The following CACNA1C variants were observed in gnomAD, a reference collection of about 807,000 sequenced individuals.
CACNA1C encodes calcium voltage-gated channel subunit alpha1 C.
Under a neutral mutation model 229.0 loss-of-function variants are expected in CACNA1C, and 30 were observed. That is an observed-to-expected ratio of 0.13 (90% CI 0.10 to 0.18). CACNA1C has a LOEUF of 0.18. Among genes scored for constraint, CACNA1C ranks in the 10% least tolerant of loss-of-function variants. CACNA1C has a pLI of 1.00. For synonymous variants in CACNA1C, 1,114 were observed against 1,132.5 expected, an observed-to-expected ratio of 0.98 and a Z score of 0.33; for missense variants, 1,658 against 2,845.0, an observed-to-expected ratio of 0.58 and a Z score of 9.49.
chr12:2,363,747 AT>A (rs1259543394), intron 3 of CACNA1C, among the ~76,000 whole-genome samples: 1 of 151,966 alleles, frequency 6.6e-6, no homozygotes, highest in Non-Finnish European at 1.5e-5. Flanking sequence ...TGGAGTCTTG[AT>A]TTCCTTGAGT....
At chr12:1,985,985 T>C (rs994489525) in intron 1 of CACNA1C, among the ~76,000 whole-genome samples, 3 of 152,084 alleles carry the variant, frequency 2.0e-5, no homozygotes, top group Non-Finnish European at 2.9e-5. Context: ...TAATTTTGTT[T>C]TGTATTTTTA....
chr12:2,093,761 C>T (rs1435306611), intron 1 of CACNA1C, among the ~76,000 whole-genome samples: 1 of 152,196 alleles, frequency 6.6e-6, no homozygotes, highest in East Asian at 1.9e-4. Flanking sequence ...TATTTGCTAC[C>T]CTGAGTGTGA....
intron 3 of CACNA1C, among the ~76,000 whole-genome samples, chr12:2,404,373 CT>C (rs2098712751): frequency 6.6e-6 from 1 of 152,166 alleles, no homozygotes; most frequent in East Asian, 1.9e-4. Flanking sequence ...CCACGTGTTC[CT>C]TTCTCAGGGT....
chr12:2,402,811 C>T (rs73037262), intron 3 of CACNA1C, among the ~76,000 whole-genome samples: 2,070 of 152,286 alleles, frequency 0.014, 20 homozygotes, highest in Non-Finnish European at 0.019. Context: ...GCTGTGCCAC[C>T]GCCACCACCA....
intron 5 of CACNA1C, among the ~76,000 whole-genome samples, chr12:2,474,852 T>C (rs765098911): frequency 1.3e-5 from 2 of 152,126 alleles, no homozygotes; most frequent in Admixed American, 6.5e-5. Context: ...AGATCAACTG[T>C]CCTGCCGAGG....
intron 1 of CACNA1C, among the ~76,000 whole-genome samples, chr12:2,002,955 T>G (rs1034226852): frequency 6.6e-6 from 1 of 152,118 alleles, no homozygotes; most frequent in Non-Finnish European, 1.5e-5. Context: ...CCCTGGAAAC[T>G]AGGGGGAAAT....
At position 2,009,878 on chromosome 12, in the gene CACNA1C, G is replaced by A. The variant is rs76818467; in HGVS notation, c.139+38677G>A. On this transcript the variant is annotated intron_variant, in intron 1 of 46. Transcript: ENST00000682462. Reference sequence around the variant, plus strand: ...CAACAAATGACCTCACCTATACCCTGGGGAACATAATATTTGCTCTACCAA... The same window carrying A: ...CAACAAATGACCTCACCTATACCCTAGGGAACATAATATTTGCTCTACCAA... Among the ~76,000 whole-genome samples, 331 of 152,198 alleles carry A rather than the reference G, an allele frequency of 2.2e-3. 1 individual carries two copies. The highest frequency in any genetic ancestry group is 7.3e-3 in the African/African-American group (303 of 41,508).
rs752225904 is a variant in CACNA1C at position 2,653,797 on chromosome 12, A to C, written c.4075-38A>C. 12 of 1,592,590 alleles carry C rather than the reference A, an allele frequency of 7.5e-6. No individual in the cohort carries two copies. The Admixed American group carries it at 1.8e-4, about 24-fold the overall frequency. On this transcript the variant is annotated intron_variant, in intron 32 of 46. Coordinates refer to ENST00000399655, the MANE Select transcript of CACNA1C (RefSeq NM_000719.7). This position sits in a 1 kb window ranked among gnomAD's most constrained non-coding sequence, Gnocchi z 4.7. ...GGGAAGGGGCCCAGCTGGCCTCTGCACTCCAGCCTCATGGGAGTCTCCTGC... is the reference window on the plus strand; with the variant it reads ...GGGAAGGGGCCCAGCTGGCCTCTGCCCTCCAGCCTCATGGGAGTCTCCTGC...
intron 30 of CACNA1C, among the ~76,000 whole-genome samples, chr12:2,638,737 T>C (rs923176063): frequency 1.3e-5 from 2 of 152,110 alleles, no homozygotes; most frequent in African/African-American, 4.8e-5. Context: ...AGGAGGAGAA[T>C]TGCCCAGGAG....
chr12:2,638,472 A>C (rs1432171580), intron 30 of CACNA1C, among the ~76,000 whole-genome samples: 1 of 152,178 alleles, frequency 6.6e-6, no homozygotes, highest in African/African-American at 2.4e-5. Context: ...TACTCTGAGC[A>C]AGAAGGGGAC....
intron 39 of CACNA1C, 87 bp downstream of exon 39, chr12:2,674,729 G>C: frequency 8.0e-7 from 1 of 1,253,280 alleles, no homozygotes; most frequent in Non-Finnish European, 1.1e-6. Context: ...GGCACCCTTA[G>C]AATGCGGAAG....
At chr12:2,596,104 A>G in intron 20 of CACNA1C, 101 bp downstream of exon 20, 2 of 1,206,380 alleles carry the variant, frequency 1.7e-6, no homozygotes, top group Non-Finnish European at 2.3e-6. Context: ...GCCCAATTCT[A>G]GGTGTCATAA....
chr12:1,997,896 T>C (rs761428026), intron 1 of CACNA1C: 2 of 1,521,508 alleles, frequency 1.3e-6, no homozygotes, highest in Admixed American at 3.7e-5. Flanking sequence ...AAATATTATT[T>C]TGAAGATTAG....
intron 8 of CACNA1C, among the ~76,000 whole-genome samples, chr12:2,510,726 A>T (rs1242206407): frequency 6.6e-6 from 1 of 152,220 alleles, no homozygotes; most frequent in East Asian, 1.9e-4. Context: ...GTGAGCCCTT[A>T]CAAGGGACTG....
chr12:2,596,496 C>G (rs912272931), intron 20 of CACNA1C, among the ~76,000 whole-genome samples: 22 of 152,190 alleles, frequency 1.4e-4, no homozygotes, highest in South Asian at 2.1e-4. Context: ...AAGAATTGCT[C>G]TATCTCAAAA....
chr12:2,251,535 A>C (rs1321688468), intron 3 of CACNA1C, among the ~76,000 whole-genome samples: 2 of 152,180 alleles, frequency 1.3e-5, no homozygotes, highest in South Asian at 2.1e-4. Context: ...ACAGTCTTTG[A>C]GTTTCCATTA....
intron 29 of CACNA1C, 78 bp from the exon 30 acceptor site, chr12:2,634,219 C>G (rs1229246288): frequency 2.3e-4 from 53 of 230,210 alleles, no homozygotes; most frequent in East Asian, 3.5e-4. Flanking sequence ...TTTCATTTTT[C>G]CTCTTCCCTT....
In CACNA1C at chr12:2,053,048, G is replaced by A; in HGVS notation, c.-515G>A. 1.0e-6 allele frequency: 1 copy of A among 984,160 alleles called. No homozygotes were observed. The highest frequency in any genetic ancestry group is 1.7e-5 in the African/African-American group (1 of 57,222). The allele number at this position is 984,160 out of a possible 1,614,324, so 61.0% of individuals were successfully genotyped here. Reference sequence around the variant, plus strand: ...CCAGAGCGGCGCTCGGCGCGGCGCGGCGGGCCCGGAGCGGCGGCGGCGGCT... The same window carrying A: ...CCAGAGCGGCGCTCGGCGCGGCGCGACGGGCCCGGAGCGGCGGCGGCGGCT... On this transcript the variant is annotated 5_prime_UTR_variant, in exon 1 of 47. Transcript: ENST00000399655. This position sits in a 1 kb window ranked among gnomAD's most constrained non-coding sequence, Gnocchi z 5.8.
intron 29 of CACNA1C, among the ~76,000 whole-genome samples, chr12:2,617,755 T>G (rs937705357): frequency 5.9e-5 from 9 of 152,180 alleles, no homozygotes; most frequent in Admixed American, 5.9e-4. Flanking sequence ...ACTGGGCTTG[T>G]GTCGAAAGGC....
Sources: allele counts gnomAD v4.1 joint callset (sites outside exome capture counted in the v4.1 genomes callset), GRCh38; gene constraint gnomAD v4.1.1; non-coding constraint Gnocchi (gnomAD v3.1); transcripts MANE v1.5; gene names NCBI Gene and HGNC (gene_info 2026-07-23, HGNC 2026-07-21).